The following MDGA2 variants were observed in gnomAD, a reference collection of about 807,000 sequenced individuals.
MDGA2 encodes MAM domain containing glycosylphosphatidylinositol anchor 2.
Under a neutral mutation model 117.8 loss-of-function variants are expected in MDGA2, and 40 were observed. The observed-to-expected ratio is 0.34, with a 90% CI of 0.26 to 0.44. MDGA2 has a LOEUF of 0.44. MDGA2 is among the 20% of genes least tolerant of loss of function. MDGA2 has a pLI of 1.00. For synonymous variants in MDGA2, 452 were observed against 439.0 expected, an observed-to-expected ratio of 1.03 and a Z score of -0.37; for missense variants, 1,123 against 1,250.6, an observed-to-expected ratio of 0.90 and a Z score of 1.54.
intron 1 of MDGA2, among the ~76,000 whole-genome samples, chr14:47,552,581 A>G (rs1276507634): frequency 1.3e-5 from 2 of 152,204 alleles, no homozygotes; most frequent in African/African-American, 4.8e-5. Context: ...CACCACTTTT[A>G]TAATGGTCCA....
At chr14:47,185,971 G>A (rs1884894199) in intron 3 of MDGA2, among the ~76,000 whole-genome samples, 1 of 151,562 alleles carries the variant, frequency 6.6e-6, no homozygotes, top group Non-Finnish European at 1.5e-5. Flanking sequence ...TGGAAGGCTT[G>A]CTATATGCAA....
intron 2 of MDGA2, among the ~76,000 whole-genome samples, chr14:47,228,855 T>C (rs941254165): frequency 2.0e-5 from 3 of 152,196 alleles, no homozygotes; most frequent in East Asian, 3.9e-4. Flanking sequence ...TCTTGTGAAA[T>C]GCTGTCTAGC....
At chr14:47,194,537 AGG>A (rs1206162509) in intron 3 of MDGA2, among the ~76,000 whole-genome samples, 55 of 152,220 alleles carry the variant, frequency 3.6e-4, no homozygotes, top group Admixed American at 7.2e-4. Flanking sequence ...TCATTCCACT[AGG>A]TTAACTGGAC....
At chr14:47,662,616 CAAG>C (rs973409554) in intron 1 of MDGA2, among the ~76,000 whole-genome samples, 12 of 152,192 alleles carry the variant, frequency 7.9e-5, no homozygotes, top group Non-Finnish European at 1.0e-4. Context: ...TCACAGGAAG[CAAG>C]AAGAAGGCCA....
chr14:47,059,762 A>T (rs1162981152), intron 7 of MDGA2, among the ~76,000 whole-genome samples: 1 of 152,100 alleles, frequency 6.6e-6, no homozygotes, highest in Non-Finnish European at 1.5e-5. Context: ...AAACAAAAAA[A>T]ACCCAGCCAA....
At chr14:47,118,655 T>C (rs766029372) in intron 5 of MDGA2, among the ~76,000 whole-genome samples, 2 of 152,238 alleles carry the variant, frequency 1.3e-5, no homozygotes, top group Non-Finnish European at 2.9e-5. Flanking sequence ...TCTTAATGTA[T>C]ATGTGTATTG....
At chr14:47,602,990 G>GTAGAGCC (rs1019432682) in intron 1 of MDGA2, among the ~76,000 whole-genome samples, 11 of 152,262 alleles carry the variant, frequency 7.2e-5, no homozygotes, top group African/African-American at 2.6e-4. Context: ...CCTACATTAA[G>GTAGAGCC]TAGAGCCTAT....
chr14:47,573,940 T>C (rs1246225885), intron 1 of MDGA2, among the ~76,000 whole-genome samples: 1 of 152,168 alleles, frequency 6.6e-6, no homozygotes, highest in Non-Finnish European at 1.5e-5. Flanking sequence ...ATACTTTCAA[T>C]TCTATGGACT....
chr14:47,307,773 C>A (rs1889503355), intron 1 of MDGA2, among the ~76,000 whole-genome samples: 1 of 151,872 alleles, frequency 6.6e-6, no homozygotes, highest in African/African-American at 2.4e-5. Context: ...GTGAGTTCAC[C>A]AATAGTTGAC....
chr14:47,381,300 C>A (rs561370171), intron 1 of MDGA2, among the ~76,000 whole-genome samples: 1 of 152,114 alleles, frequency 6.6e-6, no homozygotes, highest in South Asian at 2.1e-4. Context: ...AAAACTGGCA[C>A]AAGACAGGGA....
rs575503062 is a variant in MDGA2, at chr14:47,206,073, G to T, written c.595+11948C>A. 9.2e-5 allele frequency among the ~76,000 whole-genome samples: 14 copies of T among 152,086 alleles called. No individual in the cohort carries two copies. In the South Asian group the frequency reaches 2.5e-3, roughly 27 times the overall value. The stretch of plus-strand genomic sequence containing the variant: ...TACTGCTGTTCATAGAAAAAAGAAA[G>T]AAGATAGCTAATTTGTAACACTGGG... On this transcript the variant is annotated intron_variant, in intron 3 of 16. Transcript: ENST00000399232.
intron 1 of MDGA2, among the ~76,000 whole-genome samples, chr14:47,420,490 GAGA>G (rs1011443914): frequency 3.3e-5 from 5 of 152,204 alleles, no homozygotes; most frequent in African/African-American, 7.2e-5. Context: ...AAAAAGAAAA[GAGA>G]AGAAGGAAGT....
intron 8 of MDGA2, among the ~76,000 whole-genome samples, chr14:46,982,818 C>T (rs1886732001): frequency 6.6e-6 from 1 of 151,648 alleles, no homozygotes; most frequent in Non-Finnish European, 1.5e-5. Flanking sequence ...TGCCTGATTG[C>T]CCTGGCCAGA....
intron 5 of MDGA2, among the ~76,000 whole-genome samples, chr14:47,112,025 A>G (rs955299006): frequency 6.6e-6 from 1 of 152,134 alleles, no homozygotes; most frequent in Non-Finnish European, 1.5e-5. Flanking sequence ...GCCCAGGCTA[A>G]CTCTTTATCA....
At chr14:47,349,502 C>T (rs1025299531) in intron 1 of MDGA2, among the ~76,000 whole-genome samples, 1 of 152,070 alleles carries the variant, frequency 6.6e-6, no homozygotes, top group African/African-American at 2.4e-5. Flanking sequence ...AATAAGCTTC[C>T]CTATTTACAA....
At chr14:47,484,245 A>C (rs1894011981) in intron 1 of MDGA2, among the ~76,000 whole-genome samples, 1 of 152,036 alleles carries the variant, frequency 6.6e-6, no homozygotes, top group Non-Finnish European at 1.5e-5. Context: ...GGAATTAAAA[A>C]AACACATATA....
At chr14:47,073,633 AT>A in intron 6 of MDGA2, among the ~76,000 whole-genome samples, 1 of 152,216 alleles carries the variant, frequency 6.6e-6, no homozygotes, top group Admixed American at 6.5e-5. Flanking sequence ...GACTGACAGT[AT>A]TTTATTATAA....
chr14:47,390,005 G>A (rs922985660), intron 1 of MDGA2, among the ~76,000 whole-genome samples: 12 of 152,158 alleles, frequency 7.9e-5, no homozygotes, highest in African/African-American at 2.9e-4. Context: ...CATGGAAGTA[G>A]AGGACAGGCC....
At chr14:47,243,259 C>G (rs988813956) in intron 2 of MDGA2, among the ~76,000 whole-genome samples, 2 of 151,550 alleles carry the variant, frequency 1.3e-5, no homozygotes, top group Admixed American at 1.3e-4. Flanking sequence ...TGTGGAGAAC[C>G]TTTGTATCTA....
Sources: gnomAD v4.1 joint callset for allele counts (sites outside exome capture counted in the v4.1 genomes callset) on GRCh38, gnomAD v4.1.1 for gene constraint, MANE v1.5 for transcripts, NCBI Gene and HGNC (gene_info 2026-07-23, HGNC 2026-07-21) for gene names.